The following PPARGC1B variants were observed in gnomAD, a reference collection of about 807,000 sequenced individuals.
The protein encoded by PPARGC1B is peroxisome proliferator-activated receptor gamma coactivator 1-beta.
A neutral mutation model predicts 101.6 loss-of-function variants in PPARGC1B; 34 were observed. The ratio of observed to expected loss-of-function variants is 0.33; its 90% CI spans 0.25 to 0.45. The LOEUF (loss-of-function observed/expected upper bound fraction) is 0.45, where lower values mean the gene tolerates loss of function less well. Ranked by LOEUF, PPARGC1B falls within the 20% of genes least tolerant of loss-of-function variation. The pLI is 1.00. For missense variants in PPARGC1B, 1,234 were observed against 1,317.6 expected, an observed-to-expected ratio of 0.94 and a Z score of 0.98; for synonymous variants, 548 against 539.3, an observed-to-expected ratio of 1.02 and a Z score of -0.22.
At chr5:149,801,105 A>G (rs1037294068) in intron 1 of PPARGC1B, among the ~76,000 whole-genome samples, 2 of 152,264 alleles carry the variant, frequency 1.3e-5, no homozygotes, top group Admixed American at 6.5e-5. Flanking sequence ...TTGTAGGACG[A>G]GTGGGTGATA....
At chr5:149,814,186 A>T (rs1307340820) in intron 1 of PPARGC1B, among the ~76,000 whole-genome samples, 1 of 152,202 alleles carries the variant, frequency 6.6e-6, no homozygotes, top group Non-Finnish European at 1.5e-5. Context: ...GGTGGCAAGA[A>T]ACAATGTCCT....
intron 4 of PPARGC1B, 62 bp downstream of exon 4, chr5:149,830,945 C>G: frequency 8.7e-7 from 1 of 1,151,818 alleles, no homozygotes; most frequent in South Asian, 1.2e-5. Context: ...GCCTTCAGCT[C>G]TGGTGGAGGA....
intron 3 of PPARGC1B, 34 bp downstream of exon 3, chr5:149,826,919 C>T (rs760802459): frequency 6.6e-7 from 1 of 1,512,622 alleles, no homozygotes; most frequent in Admixed American, 1.7e-5. Flanking sequence ...GTGATGGTTG[C>T]AGCCTGGGAT....
intron 1 of PPARGC1B, among the ~76,000 whole-genome samples, chr5:149,756,894 A>T (rs1755547552): frequency 6.6e-6 from 1 of 152,106 alleles, no homozygotes; most frequent in Non-Finnish European, 1.5e-5. Flanking sequence ...GACCCCTAGG[A>T]CTGGATCTCC....
At chr5:149,733,191 G>A (rs1400898929) in intron 1 of PPARGC1B, among the ~76,000 whole-genome samples, 1 of 152,196 alleles carries the variant, frequency 6.6e-6, no homozygotes, top group Non-Finnish European at 1.5e-5. Context: ...TGTTGTCTTT[G>A]GTGGCTAATC....
intron 1 of PPARGC1B, among the ~76,000 whole-genome samples, chr5:149,774,163 C>A (rs115161992): frequency 8.5e-5 from 13 of 152,180 alleles, no homozygotes; most frequent in African/African-American, 2.7e-4. Flanking sequence ...AGAGCCCCAG[C>A]GGAAAGTCCA....
At chr5:149,809,520 AGAT>A (rs1466060228) in intron 1 of PPARGC1B, among the ~76,000 whole-genome samples, 3 of 146,686 alleles carry the variant, frequency 2.0e-5, no homozygotes, top group African/African-American at 7.9e-5. Context: ...ATAGATAGAT[AGAT>A]AGATAAGCAA....
intron 1 of PPARGC1B, chr5:149,818,766 T>G (rs2113349312): frequency 2.2e-6 from 1 of 452,818 alleles, no homozygotes; most frequent in South Asian, 1.6e-5. Flanking sequence ...TTATCATTAT[T>G]TGTTATATTA....
Position 149,826,874 on chromosome 5 carries a change from G to A in PPARGC1B, c.454G>A (p.Glu152Lys), listed in dbSNP as rs200879206. ...CTCGGCCCCAGCCCCTGAGGTGGAC[G>A]AGCTCTCACTGGTAAGAACCTACTT... ...KPSAPAPEVD[E>K]LSLLQKLLLA... The change falls in exon 3 of 12, where the codon GAG becomes AAG. Residue 152 changes from glutamate to lysine, a missense_variant. Glu to Lys is a moderately conservative substitution (Grantham distance 56, BLOSUM62 1). Coordinates refer to ENST00000309241, the MANE Select transcript of PPARGC1B (RefSeq NM_133263.4). 5 of 1,610,666 alleles carry A rather than the reference G, an allele frequency of 3.1e-6. No individual in the cohort carries two copies. In the East Asian group the frequency reaches 8.9e-5, roughly 29 times the overall value.
rs1203334317 is a variant in PPARGC1B at position 149,835,283 on chromosome 5, C to G, written c.1743-18C>G. 6.2e-7 allele frequency: 1 copy of G among 1,613,674 alleles called. No homozygotes were observed. Among genetic ancestry groups the G allele is most frequent in the South Asian group, 1.1e-5 (1 of 91,070 alleles). On this transcript the variant is annotated intron_variant, in intron 6 of 11. Coordinates refer to ENST00000309241, the MANE Select transcript of PPARGC1B (RefSeq NM_133263.4). ...GCTGACTTGCTTCTTTCCTTTCTGT[C>G]CTCCCTGCCTCCACCAGCGACCCAA... is the stretch of plus-strand genomic sequence containing the variant.
In PPARGC1B at chr5:149,854,568, T is replaced by G. The variant is rs1375290503; in HGVS notation, c.*7010T>G. On this transcript the variant is annotated 3_prime_UTR_variant, in exon 12 of 12. Transcript: ENST00000309241. ...TTTTAGTTTTGCTATTTTTTTTAAT[T>G]GGTAGAGGATTTTTATATATTTTTT... 1.3e-5 allele frequency: 2 copies of G among 152,178 alleles called. No homozygotes were observed. The highest frequency in any genetic ancestry group is 4.8e-5 in the African/African-American group (2 of 41,434). The allele number at this position is 152,178 out of a possible 1,614,324, so 9.4% of individuals were successfully genotyped here. A position where few individuals can be genotyped will look rare whatever the true frequency, so the allele number is the denominator to read the frequency against.
At chr5:149,787,233 C>T (rs974317754) in intron 1 of PPARGC1B, among the ~76,000 whole-genome samples, 9 of 152,216 alleles carry the variant, frequency 5.9e-5, no homozygotes, top group African/African-American at 2.2e-4. Flanking sequence ...GGCACATATT[C>T]AGTCCTGAGC....
chr5:149,743,770 A>T (rs944082186), intron 1 of PPARGC1B, among the ~76,000 whole-genome samples: 1 of 152,180 alleles, frequency 6.6e-6, no homozygotes, highest in Non-Finnish European at 1.5e-5. Context: ...CTTGCACACG[A>T]AGGATCAAAG....
At chr5:149,794,699 G>A (rs1279688867) in intron 1 of PPARGC1B, among the ~76,000 whole-genome samples, 4 of 152,220 alleles carry the variant, frequency 2.6e-5, no homozygotes, top group Non-Finnish European at 4.4e-5. Flanking sequence ...ATATAAGGAG[G>A]CTGTTGTCCC....
intron 1 of PPARGC1B, among the ~76,000 whole-genome samples, chr5:149,735,550 G>A (rs1183079477): frequency 6.6e-6 from 1 of 152,188 alleles, no homozygotes; most frequent in Non-Finnish European, 1.5e-5. Flanking sequence ...TATACCCCAT[G>A]CAGTTTTCTG....
Position 149,730,318 on chromosome 5 carries a change from C to G in PPARGC1B, c.-25C>G, listed in dbSNP as rs772806158. 12 of 1,531,934 alleles carry G rather than the reference C, an allele frequency of 7.8e-6. No individual in the cohort carries two copies. Among genetic ancestry groups the G allele is most frequent in the Non-Finnish European group, 9.6e-6 (11 of 1,140,848 alleles). The allele number at this position is 1,531,934 out of a possible 1,614,324, so 94.9% of individuals were successfully genotyped here. A position where few individuals can be genotyped will look rare whatever the true frequency, so the allele number is the denominator to read the frequency against. On this transcript the variant is annotated 5_prime_UTR_variant, in exon 1 of 12. Coordinates refer to ENST00000309241, the MANE Select transcript of PPARGC1B (RefSeq NM_133263.4). The surrounding 1 kb of genome is among the most constrained non-coding windows in gnomAD (Gnocchi z 4.0). ...CGGGCCGGCTCGGCGTTGACTCCGC[C>G]GCACGCTGCAGCCGCGGCTGGAAGA...
chr5:149,747,600 G>T (rs1450931536), intron 1 of PPARGC1B, among the ~76,000 whole-genome samples: 1 of 152,184 alleles, frequency 6.6e-6, no homozygotes, highest in African/African-American at 2.4e-5. Flanking sequence ...TCTCCTTGGG[G>T]TTGGGCAACA....
chr5:149,773,172 A>G (rs1181982054), intron 1 of PPARGC1B, among the ~76,000 whole-genome samples: 2 of 152,066 alleles, frequency 1.3e-5, no homozygotes, highest in Non-Finnish European at 2.9e-5. Flanking sequence ...GTTTGGGGCA[A>G]CCCCACAGGC....
At chr5:149,741,554 C>T (rs1282849088) in intron 1 of PPARGC1B, among the ~76,000 whole-genome samples, 6 of 152,076 alleles carry the variant, frequency 3.9e-5, no homozygotes, top group African/African-American at 1.4e-4. Flanking sequence ...CACTATCCAT[C>T]TATTTGTCAA....
Sources: allele counts gnomAD v4.1 joint callset (sites outside exome capture counted in the v4.1 genomes callset), GRCh38; gene constraint gnomAD v4.1.1; non-coding constraint Gnocchi (gnomAD v3.1); transcripts MANE v1.5; gene names NCBI Gene and HGNC (gene_info 2026-07-23, HGNC 2026-07-21).